TCF12: variants seen among roughly 807,000 people sequenced by gnomAD.
TCF12 encodes DNA-binding protein HTF4.
TCF12 carries 45 observed loss-of-function variants against 86.0 expected under a neutral mutation model. The ratio of observed to expected loss-of-function variants is 0.52; its 90% confidence interval spans 0.41 to 0.67. The LOEUF (loss-of-function observed/expected upper bound fraction) is 0.67. Ranked by LOEUF, TCF12 falls within the 30% of genes least tolerant of loss-of-function variation. TCF12 has a pLI of 0.00. For missense variants in TCF12, 881 were observed against 859.9 expected (o/e 1.02, Z -0.31); for synonymous variants, 330 against 299.6 (o/e 1.10, Z -1.05).
At chr15:57,098,562 G>A (rs1166596762) in intron 5 of TCF12, among the ~76,000 whole-genome samples, 1 of 152,098 alleles carries the variant, frequency 6.6e-6, no homozygotes, top group Admixed American at 6.5e-5. Context: ...TATTATTTTA[G>A]TGTGATAGAG....
chr15:57,136,734 G>T (rs1261802086), intron 5 of TCF12, among the ~76,000 whole-genome samples: 1 of 152,024 alleles, frequency 6.6e-6, no homozygotes, highest in African/African-American at 2.4e-5. Context: ...GGAGTGCAGT[G>T]TTGCTATCAT....
At chr15:57,061,595 C>T (rs144954042) in intron 3 of TCF12, among the ~76,000 whole-genome samples, 18 of 152,166 alleles carry the variant, frequency 1.2e-4, no homozygotes, top group African/African-American at 3.6e-4. Context: ...AGAACATGAA[C>T]GCTGCCTCTA....
At chr15:57,258,050 A>G (rs2060429334) in intron 16 of TCF12, among the ~76,000 whole-genome samples, 1 of 152,210 alleles carries the variant, frequency 6.6e-6, no homozygotes. Context: ...CTGTAATCCC[A>G]GCACTTTGGG....
chr15:57,243,534 A>T lies in TCF12; in HGVS notation c.1098A>T (p.Ser366=). The change falls in exon 13 of 21, where the codon TCA becomes TCT. Residue 366 remains serine, a synonymous_variant. Coordinates refer to ENST00000333725, the MANE Select transcript of TCF12 (RefSeq NM_207037.2). ...CAAATCCATCAACACCAGTTGGATCACCTTCACCTCTCACAGGTAGGCTTC... is the reference window on the plus strand; with the variant it reads ...CAAATCCATCAACACCAGTTGGATCTCCTTCACCTCTCACAGGTAGGCTTC... The part of the protein sequence containing the change: ...FPSNPSTPVG[S]PSPLTGTSQW... 2 of 1,613,848 alleles carry T rather than the reference A, an allele frequency of 1.2e-6. No individual in the cohort carries two copies. Among genetic ancestry groups the T allele is most frequent in the Non-Finnish European group, 1.7e-6 (2 of 1,179,820 alleles).
chr15:57,219,618 A>G (rs541155911), intron 8 of TCF12: 15 of 1,606,148 alleles, frequency 9.3e-6, no homozygotes, highest in Middle Eastern at 1.7e-4. Context: ...TATAGCTTCT[A>G]ACTCACTTGT....
intron 19 of TCF12, chr15:57,281,610 G>A (rs373725961): frequency 6.6e-6 from 1 of 152,162 alleles, no homozygotes; most frequent in Non-Finnish European, 1.5e-5. Context: ...TCAGATCAGC[G>A]GCAGCATTAG....
chr15:57,029,399 C>T (rs937279778), intron 3 of TCF12, among the ~76,000 whole-genome samples: 1 of 152,124 alleles, frequency 6.6e-6, no homozygotes, highest in African/African-American at 2.4e-5. Flanking sequence ...TCTGAGCCTT[C>T]GTACTTCCAT....
chr15:57,065,873 A>C (rs2068832045), intron 4 of TCF12, among the ~76,000 whole-genome samples: 1 of 152,158 alleles, frequency 6.6e-6, no homozygotes, highest in South Asian at 2.1e-4. Flanking sequence ...ATAGTAAGCT[A>C]GTTTTCATAG....
intron 4 of TCF12, among the ~76,000 whole-genome samples, chr15:57,072,064 T>C (rs2069442578): frequency 6.6e-6 from 1 of 152,196 alleles, no homozygotes; most frequent in Non-Finnish European, 1.5e-5. Flanking sequence ...CTTACTGTGG[T>C]ATGAAGAATG....
At chr15:57,032,560 CTGGGACTACAGGCATA>C (rs1352364611) in intron 3 of TCF12, among the ~76,000 whole-genome samples, 12 of 152,160 alleles carry the variant, frequency 7.9e-5, no homozygotes, top group African/African-American at 1.9e-4. Context: ...TCCAGAGTAG[CTGGGACTACAGGCATA>C]TGGGACTACA....
chr15:57,001,683 C>T (rs775976901), intron 3 of TCF12, among the ~76,000 whole-genome samples: 1 of 152,204 alleles, frequency 6.6e-6, no homozygotes, highest in Non-Finnish European at 1.5e-5. Flanking sequence ...GTTCCACTCT[C>T]TCCCATTTTT....
At chr15:57,284,601 G>T (rs553154701) in intron 20 of TCF12, among the ~76,000 whole-genome samples, 3 of 152,256 alleles carry the variant, frequency 2.0e-5, no homozygotes, top group Non-Finnish European at 2.9e-5. Context: ...TTTCAAAGAA[G>T]AGTGATGGGA....
At chr15:57,071,169 G>C (rs1193016962) in intron 4 of TCF12, among the ~76,000 whole-genome samples, 2 of 151,954 alleles carry the variant, frequency 1.3e-5, no homozygotes, top group African/African-American at 2.4e-5. Context: ...TACGTTGGGA[G>C]GCTAAAATGG....
chr15:57,187,484 A>G (rs1163906281), intron 6 of TCF12, among the ~76,000 whole-genome samples: 3 of 152,212 alleles, frequency 2.0e-5, no homozygotes, highest in African/African-American at 7.2e-5. Flanking sequence ...CATCAAATAC[A>G]CTAACACTAT....
rs2152162226 is a variant in TCF12 at position 57,286,894 on chromosome 15, CT to C, written c.*752del. The C allele has an allele frequency of 6.4e-6, 2 of 311,310 alleles. No homozygotes were observed. Among genetic ancestry groups the C allele is most frequent in the East Asian group, 1.7e-4 (2 of 11,962 alleles). 19.3% of individuals were successfully genotyped at this position (311,310 alleles called of 1,614,324 possible). A position where few individuals can be genotyped will look rare whatever the true frequency, so the allele number is the denominator to read the frequency against. The stretch of plus-strand genomic sequence containing the variant: ...AGCCTCCTCCGTGCAGCCCTGTGTG[CT>C]TTGCACATTTACCTTACAGTGGTAA... On this transcript the variant is annotated 3_prime_UTR_variant, in exon 21 of 21. Coordinates refer to ENST00000333725, the MANE Select transcript of TCF12 (RefSeq NM_207037.2).
intron 3 of TCF12, among the ~76,000 whole-genome samples, chr15:56,923,642 G>A (rs1343652431): frequency 6.6e-6 from 1 of 152,138 alleles, no homozygotes; most frequent in East Asian, 1.9e-4. Context: ...TTGACAAAAT[G>A]GAAATGGTTC....
chr15:56,983,103 G>A (rs897334186), intron 3 of TCF12, among the ~76,000 whole-genome samples: 3 of 152,128 alleles, frequency 2.0e-5, no homozygotes, highest in African/African-American at 7.2e-5. Flanking sequence ...TGAGAATATG[G>A]GACATTCTTA....
intron 3 of TCF12, among the ~76,000 whole-genome samples, chr15:57,028,713 T>C (rs1399010807): frequency 6.6e-6 from 1 of 152,186 alleles, no homozygotes; most frequent in African/African-American, 2.4e-5. Flanking sequence ...TTGTCTTGTC[T>C]AAAAAACATC....
chr15:57,158,173 C>T (rs910670487), intron 5 of TCF12, among the ~76,000 whole-genome samples: 6 of 148,724 alleles, frequency 4.0e-5, no homozygotes, highest in African/African-American at 1.5e-4. Context: ...ATGTTAAAGT[C>T]TCAGAAAGTC....
Sources: allele counts gnomAD v4.1 joint callset (sites outside exome capture counted in the v4.1 genomes callset), GRCh38; gene constraint gnomAD v4.1.1; transcripts MANE v1.5; gene names NCBI Gene and HGNC (gene_info 2026-07-23, HGNC 2026-07-21).